The following SAMD3 variants were observed in gnomAD, a reference collection of about 807,000 sequenced individuals.
The protein encoded by SAMD3 is sterile alpha motif domain containing 3, also known as sterile alpha motif domain-containing protein 3.
Under a neutral mutation model 58.5 loss-of-function variants are expected in SAMD3, and 63 were observed. The observed-to-expected ratio is 1.08, with a 90% confidence interval of 0.88 to 1.33. The LOEUF is 1.33. SAMD3 is among the 40% of genes most tolerant of loss of function. SAMD3 has a pLI of 0.00. For missense variants in SAMD3, 604 were observed against 608.4 expected, an observed-to-expected ratio of 0.99 and a Z score of 0.08; for synonymous variants, 220 against 210.3, an observed-to-expected ratio of 1.05 and a Z score of -0.40.
chr6:130,248,288 G>C (rs936229776), intron 2 of SAMD3, among the ~76,000 whole-genome samples: 2 of 151,434 alleles, frequency 1.3e-5, no homozygotes, highest in African/African-American at 2.4e-5. Context: ...TTTCAACATT[G>C]TTCAAACACA....
intron 7 of SAMD3, among the ~76,000 whole-genome samples, chr6:130,178,889 A>G (rs960582082): frequency 1.2e-4 from 19 of 152,208 alleles, no homozygotes; most frequent in Admixed American, 3.3e-4. Context: ...CCAGGTATGC[A>G]TGAGTCAGAG....
intron 1 of SAMD3, among the ~76,000 whole-genome samples, chr6:130,339,204 GC>G (rs1364951067): frequency 1.3e-5 from 2 of 151,930 alleles, no homozygotes; most frequent in Admixed American, 1.3e-4. Flanking sequence ...CTGCCACCAC[GC>G]CCGGCTAATT....
intron 5 of SAMD3, among the ~76,000 whole-genome samples, chr6:130,184,999 C>T (rs1582836639): frequency 6.6e-6 from 1 of 152,094 alleles, no homozygotes; most frequent in Admixed American, 6.5e-5. Context: ...GCAAATGAGG[C>T]CTACCATAAA....
chr6:130,329,436 A>C (rs1283778678), intron 1 of SAMD3, among the ~76,000 whole-genome samples: 1 of 152,142 alleles, frequency 6.6e-6, no homozygotes, highest in Non-Finnish European at 1.5e-5. Context: ...TGAAATTTTT[A>C]AAAAGCCAAA....
intron 2 of SAMD3, among the ~76,000 whole-genome samples, chr6:130,246,678 G>A (rs1374378645): frequency 1.3e-5 from 2 of 152,100 alleles, no homozygotes; most frequent in Non-Finnish European, 2.9e-5. Flanking sequence ...ATCACCTGAG[G>A]TCAGGAGTTC....
At chr6:130,152,264 T>A (rs1789278459) in intron 9 of SAMD3, among the ~76,000 whole-genome samples, 1 of 152,140 alleles carries the variant, frequency 6.6e-6, no homozygotes, top group African/African-American at 2.4e-5. Context: ...ATTTGCGAGG[T>A]CAAACTTGCT....
chr6:130,161,020 A>G (rs887260287), intron 8 of SAMD3: 1 of 152,178 alleles, frequency 6.6e-6, no homozygotes, highest in Admixed American at 6.5e-5. Flanking sequence ...GAATTCATGC[A>G]TATGTGACAA....
chr6:130,170,238 C>A (rs1436449550), intron 8 of SAMD3, among the ~76,000 whole-genome samples: 1 of 152,184 alleles, frequency 6.6e-6, no homozygotes, highest in Non-Finnish European at 1.5e-5. Context: ...TGATGTTCCC[C>A]TCCCTGTGTC....
At chr6:130,176,842 C>T (rs149872273) in intron 7 of SAMD3, among the ~76,000 whole-genome samples, 4 of 152,216 alleles carry the variant, frequency 2.6e-5, no homozygotes, top group Non-Finnish European at 5.9e-5. Context: ...CCTTAGAGAA[C>T]TACCAAGAGT....
intron 2 of SAMD3, among the ~76,000 whole-genome samples, chr6:130,242,843 T>A (rs1773410438): frequency 6.6e-6 from 1 of 152,180 alleles, no homozygotes; most frequent in African/African-American, 2.4e-5. Flanking sequence ...TTAGCTCTGG[T>A]GGCTGAGCCG....
rs137975401 is a variant in SAMD3 at position 130,287,562 on chromosome 6, G to GC, written c.-188+25415_-188+25416insG. ...TTTTTAACCTGATAGCCTTGGACTT[G>GC]TTTAAAATCCAATGAGAGGTAGAAC... On this transcript the variant is annotated intron_variant, in intron 2 of 13. Transcript: ENST00000368134. 9.1e-3 allele frequency among the ~76,000 whole-genome samples: 1,381 copies of GC among 152,246 alleles called. 18 individuals are homozygous for GC. The highest frequency in any genetic ancestry group is 0.031 in the African/African-American group (1,294 of 41,526).
chr6:130,143,486 T>G (rs1259223559), downstream of SAMD3, among the ~76,000 whole-genome samples: 1 of 152,172 alleles, frequency 6.6e-6, no homozygotes, highest in Non-Finnish European at 1.5e-5. Context: ...TCAGGTGATC[T>G]GCCCATCTTG....
intron 1 of SAMD3, among the ~76,000 whole-genome samples, chr6:130,326,367 A>AT (rs537066801): frequency 0.024 from 3,039 of 128,746 alleles, 85 homozygotes; most frequent in African/African-American, 0.057. Flanking sequence ...ATGCCTGGTC[A>AT]TTTTTTTTTT....
intron 2 of SAMD3, chr6:130,215,598 T>C (rs374839916): frequency 2.2e-6 from 3 of 1,364,912 alleles, no homozygotes; most frequent in South Asian, 2.0e-5. Context: ...GGACATACAA[T>C]GGTACCCAAT....
At chr6:130,164,346 T>A (rs887765549) in intron 8 of SAMD3, among the ~76,000 whole-genome samples, 3 of 152,170 alleles carry the variant, frequency 2.0e-5, no homozygotes, top group Admixed American at 1.3e-4. Flanking sequence ...TAAAGCAAAA[T>A]CATTTTTTCC....
At chr6:130,315,141 G>A (rs1583092300) in intron 1 of SAMD3, among the ~76,000 whole-genome samples, 1 of 152,012 alleles carries the variant, frequency 6.6e-6, no homozygotes, top group African/African-American at 2.4e-5. Context: ...GCTTATATTG[G>A]CATGTTGTGT....
At chr6:130,364,919 G>A (rs1236790509) in intron 1 of SAMD3, among the ~76,000 whole-genome samples, 1 of 122,478 alleles carries the variant, frequency 8.2e-6, no homozygotes, top group African/African-American at 3.3e-5. Flanking sequence ...CCCCCCAGAA[G>A]CAAACTTTTC....
intron 2 of SAMD3, among the ~76,000 whole-genome samples, chr6:130,270,825 A>G (rs556094865): frequency 2.0e-5 from 3 of 152,172 alleles, no homozygotes; most frequent in Non-Finnish European, 2.9e-5. Flanking sequence ...GTTGTTATAA[A>G]TAATACTGCA....
At chr6:130,247,245 G>A (rs1042011534) in intron 2 of SAMD3, among the ~76,000 whole-genome samples, 13 of 152,262 alleles carry the variant, frequency 8.5e-5, no homozygotes, top group South Asian at 6.2e-4. Flanking sequence ...CGAGGCGGGC[G>A]GATCACCTTA....
Sources: allele counts gnomAD v4.1 joint callset (sites outside exome capture counted in the v4.1 genomes callset), GRCh38; gene constraint gnomAD v4.1.1; transcripts MANE v1.5; gene names NCBI Gene and HGNC (gene_info 2026-07-23, HGNC 2026-07-21).